DIAPH2: variants seen among roughly 807,000 people sequenced by gnomAD.
DIAPH2 encodes diaphanous related formin 2.
A neutral mutation model predicts 92.7 loss-of-function variants in DIAPH2; 35 were observed. That is an observed-to-expected ratio of 0.38 (90% CI 0.29 to 0.50). DIAPH2 has a LOEUF of 0.50. Ranked by LOEUF, DIAPH2 falls within the 20% of genes least tolerant of loss-of-function variation. The pLI, the probability that DIAPH2 is intolerant of heterozygous loss-of-function variation, is 0.94. For synonymous variants in DIAPH2, 301 were observed against 280.4 expected (o/e 1.07, Z -0.73); for missense variants, 701 against 819.5 (o/e 0.86, Z 1.77).
intron 22 of DIAPH2, among the ~76,000 whole-genome samples, chrX:97,217,986 T>C (rs1326276955): frequency 9.0e-6 from 1 of 111,522 alleles, no homozygotes; most frequent in African/African-American, 3.2e-5. Context: ...AACTTATTTT[T>C]TGAAAAAGAA....
intron 4 of DIAPH2, among the ~76,000 whole-genome samples, chrX:96,771,640 G>A (rs908043716): frequency 9.0e-6 from 1 of 111,350 alleles, no homozygotes; most frequent in Non-Finnish European, 1.9e-5. Context: ...ACTTAAAGTG[G>A]CATAACAGAG....
chrX:97,496,803 G>C (rs1019394460), intron 26 of DIAPH2, among the ~76,000 whole-genome samples: 2 of 110,453 alleles, frequency 1.8e-5, no homozygotes, highest in African/African-American at 6.6e-5. Flanking sequence ...CTCCCAAAGT[G>C]CTGGGATTAT....
At chrX:97,034,066 G>A (rs1482136878) in intron 17 of DIAPH2, among the ~76,000 whole-genome samples, 1 of 87,337 alleles carries the variant, frequency 1.1e-5, no homozygotes, top group Non-Finnish European at 2.2e-5. Context: ...TTTTTGTAGA[G>A]CAGACATTGT....
At chrX:96,822,187 G>C (rs954612144) in intron 4 of DIAPH2, among the ~76,000 whole-genome samples, 1 of 110,945 alleles carries the variant, frequency 9.0e-6, no homozygotes, top group African/African-American at 3.3e-5. Flanking sequence ...CTGGCCACAA[G>C]AAACCATCAA....
intron 17 of DIAPH2, among the ~76,000 whole-genome samples, chrX:97,005,638 C>T (rs1337232355): frequency 1.8e-5 from 2 of 111,107 alleles, no homozygotes; most frequent in Non-Finnish European, 3.8e-5. Context: ...CTCCCGGGTT[C>T]ACGCCATTCT....
intron 22 of DIAPH2, among the ~76,000 whole-genome samples, chrX:97,214,550 G>T (rs1270379128): frequency 1.8e-5 from 2 of 110,641 alleles, no homozygotes; most frequent in Non-Finnish European, 3.8e-5. Context: ...ATGGGTCCTG[G>T]CTGGGCACGG....
chrX:97,493,201 A>G (rs1471283288), intron 26 of DIAPH2, among the ~76,000 whole-genome samples: 1 of 112,160 alleles, frequency 8.9e-6, no homozygotes, highest in South Asian at 3.7e-4. Context: ...CAGTTCAGTC[A>G]CTGAACCAGA....
intron 23 of DIAPH2, among the ~76,000 whole-genome samples, chrX:97,294,073 C>T (rs2068622675): frequency 8.9e-6 from 1 of 111,979 alleles, no homozygotes; most frequent in South Asian, 3.7e-4. Context: ...ATCTAGTCCA[C>T]CATTCACCCC....
rs2070737512 is a variant in DIAPH2, at chrX:97,493,490, A to G, written c.3241+63745A>G. 2.7e-5 allele frequency among the ~76,000 whole-genome samples: 3 copies of G among 110,648 alleles called. No individual in the cohort carries two copies. In the Admixed American group the frequency reaches 2.9e-4, roughly 11 times the overall value. ...TAGTCAGGCTGGTCTCAAACTCCCA[A>G]CCTCAGGTGATCTGCCTGCCTCAGC... On this transcript the variant is annotated intron_variant, in intron 26 of 26. Coordinates refer to ENST00000324765, the MANE Select transcript of DIAPH2 (RefSeq NM_006729.5).
chrX:96,728,695 T>A, intron 1 of DIAPH2, among the ~76,000 whole-genome samples: 1 of 112,796 alleles, frequency 8.9e-6, no homozygotes, highest in Non-Finnish European at 1.9e-5. Context: ...ACTACTTGGC[T>A]AAATCATTGA....
chrX:97,414,507 G>A (rs924197611), intron 25 of DIAPH2, among the ~76,000 whole-genome samples: 27 of 109,502 alleles, frequency 2.5e-4, no homozygotes, highest in South Asian at 4.0e-4. Context: ...AAAATTAGCC[G>A]GGCATGGTGG....
chrX:96,874,638 G>A (rs923051447), intron 4 of DIAPH2, among the ~76,000 whole-genome samples: 2 of 111,804 alleles, frequency 1.8e-5, no homozygotes, highest in African/African-American at 3.2e-5. Context: ...TCAATTGTCC[G>A]TATCTCTGAG....
chrX:97,498,351 G>A (rs988381509), intron 26 of DIAPH2, among the ~76,000 whole-genome samples: 13 of 111,292 alleles, frequency 1.2e-4, no homozygotes, highest in East Asian at 8.4e-4. Context: ...ATACATATCC[G>A]TTTCTGCATG....
chrX:97,093,998 G>A (rs2066847110), intron 19 of DIAPH2, among the ~76,000 whole-genome samples: 1 of 112,194 alleles, frequency 8.9e-6, no homozygotes, highest in African/African-American at 3.2e-5. Flanking sequence ...AAGTGTGACT[G>A]AAAGGTAATT....
At chrX:96,934,053 A>C (rs1204526630) in intron 10 of DIAPH2, among the ~76,000 whole-genome samples, 1 of 111,262 alleles carries the variant, frequency 9.0e-6, no homozygotes, top group Non-Finnish European at 1.9e-5. Context: ...TTATTCAGGC[A>C]GATAGACCTT....
At chrX:97,255,084 G>T (rs986084959) in intron 23 of DIAPH2, among the ~76,000 whole-genome samples, 1 of 111,518 alleles carries the variant, frequency 9.0e-6, no homozygotes, top group African/African-American at 3.3e-5. Flanking sequence ...AATATGTGTG[G>T]TTCATGAGGG....
At chrX:97,352,870 CAAAAAA>C (rs1176922373) in intron 24 of DIAPH2, among the ~76,000 whole-genome samples, 418 of 27,089 alleles carry the variant, frequency 0.015, 8 homozygotes, top group African/African-American at 0.051. Context: ...AATCTGTCTC[CAAAAAA>C]AAAAAAAAAA....
At chrX:97,494,197 T>C (rs781112019) in intron 26 of DIAPH2, among the ~76,000 whole-genome samples, 20 of 108,223 alleles carry the variant, frequency 1.8e-4, no homozygotes, top group African/African-American at 6.4e-4. Flanking sequence ...CCCATGTCTG[T>C]AGTCCCAGCT....
intron 14 of DIAPH2, among the ~76,000 whole-genome samples, chrX:96,948,390 A>G (rs2065751457): frequency 9.0e-6 from 1 of 111,365 alleles, no homozygotes; most frequent in South Asian, 3.8e-4. Flanking sequence ...CCTGGCCAAC[A>G]TGGTGAAACC....
Sources: gnomAD v4.1 joint callset for allele counts (sites outside exome capture counted in the v4.1 genomes callset) on GRCh38, gnomAD v4.1.1 for gene constraint, MANE v1.5 for transcripts, NCBI Gene and HGNC (gene_info 2026-07-23, HGNC 2026-07-21) for gene names.